Variants in L3MBTL4 observed in about 807,000 individuals in gnomAD.
L3MBTL4 encodes L3MBTL histone methyl-lysine binding protein 4.
L3MBTL4 carries 70 observed loss-of-function variants against 84.5 expected under a neutral mutation model. That is an observed-to-expected ratio of 0.83 (90% CI 0.68 to 1.01). The LOEUF (loss-of-function observed/expected upper bound fraction) is 1.01. Among genes scored for constraint, L3MBTL4 ranks in the 50% least tolerant of loss-of-function variants. The probability of loss-of-function intolerance (pLI) is 0.00; values close to 1 mark genes in which losing one functional copy is unlikely to be tolerated. For missense variants in L3MBTL4, 715 were observed against 754.8 expected (o/e 0.95, Z 0.62); for synonymous variants, 274 against 259.8 (o/e 1.05, Z -0.52).
chr18:6,014,765 A>G (rs913232588), intron 16 of L3MBTL4, among the ~76,000 whole-genome samples: 2 of 152,132 alleles, frequency 1.3e-5, no homozygotes, highest in African/African-American at 4.8e-5. Flanking sequence ...CCCCAAGAAT[A>G]TTGGGGAAAC....
rs1204996580 is a variant in L3MBTL4 at position 6,215,805 on chromosome 18, G to C, written c.815C>G (p.Thr272Arg). 1 of 1,605,080 alleles carries C rather than the reference G, an allele frequency of 6.2e-7. No homozygotes were observed. Among genetic ancestry groups the C allele is most frequent in the Non-Finnish European group, 8.5e-7 (1 of 1,176,282 alleles). The change falls in exon 11 of 19, where the codon ACA becomes AGA. Residue 272 changes from threonine (T) to arginine (R), a missense_variant. Transcript: ENST00000317931. Reference sequence around the variant, plus strand: ...GGTTTGAGTAGCTTCCAGGTATTCTGTCCAGGAAAAATTTTCTGGATTGGG... The same window carrying C: ...GGTTTGAGTAGCTTCCAGGTATTCTCTCCAGGAAAAATTTTCTGGATTGGG... ...GYPNPENFSW[T>R]EYLEATQTNA...
chr18:6,086,772 C>T (rs2058273544), intron 15 of L3MBTL4, among the ~76,000 whole-genome samples: 1 of 152,174 alleles, frequency 6.6e-6, no homozygotes, highest in South Asian at 2.1e-4. Context: ...GTGATTTTCT[C>T]TTCATTTATG....
chr18:6,215,251 T>G (rs1193125271), intron 11 of L3MBTL4, among the ~76,000 whole-genome samples: 1 of 152,212 alleles, frequency 6.6e-6, no homozygotes, highest in East Asian at 1.9e-4. Flanking sequence ...TAATTTATAC[T>G]TAGTTCAATC....
At chr18:6,197,097 T>C (rs903547876) in intron 12 of L3MBTL4, among the ~76,000 whole-genome samples, 1 of 152,224 alleles carries the variant, frequency 6.6e-6, no homozygotes, top group Non-Finnish European at 1.5e-5. Context: ...GCTTCAACTA[T>C]TCTTTTTTTA....
intron 1 of L3MBTL4, among the ~76,000 whole-genome samples, chr18:6,402,155 T>C (rs142107944): frequency 6.6e-6 from 1 of 152,358 alleles, no homozygotes; most frequent in East Asian, 1.9e-4. Context: ...AGTGTATACA[T>C]TCAGATTATT....
chr18:6,266,537 T>C (rs907146373), intron 4 of L3MBTL4, among the ~76,000 whole-genome samples: 1 of 152,150 alleles, frequency 6.6e-6, no homozygotes, highest in Non-Finnish European at 1.5e-5. Context: ...ACTAGAACAT[T>C]TGAAACCTCT....
chr18:5,969,451 A>C lies in L3MBTL4; in HGVS notation c.1556T>G (p.Leu519Trp). 1 of 1,613,988 alleles carries C rather than the reference A, an allele frequency of 6.2e-7. No individual in the cohort carries two copies. The highest frequency in any genetic ancestry group is 8.5e-7 in the Non-Finnish European group (1 of 1,180,022). ...LPLGREQHCK[L>W]LPGVADIRAS... The stretch of plus-strand genomic sequence containing the variant: ...CCGGATGTCAGCCACGCCTGGAAGC[A>C]ACTTGCAGTGTTGCTCCCTGCCGAG... Residue 519 changes from leucine (L) to tryptophan (W), a missense_variant, in exon 17 of 19, where the codon TTG becomes TGG. Transcript: ENST00000317931.
intron 12 of L3MBTL4, among the ~76,000 whole-genome samples, chr18:6,187,400 TG>T (rs1418986331): frequency 3.3e-5 from 5 of 152,236 alleles, no homozygotes; most frequent in Admixed American, 2.0e-4. Context: ...ATGAAAATCT[TG>T]GCTCTATTTC....
At chr18:6,073,858 C>CT (rs2057770094) in intron 16 of L3MBTL4, among the ~76,000 whole-genome samples, 1 of 151,436 alleles carries the variant, frequency 6.6e-6, no homozygotes, top group African/African-American at 2.4e-5. Flanking sequence ...TGTTTTGTTT[C>CT]TTTGTTAAAA....
At chr18:5,967,751 G>C (rs2052424640) in intron 17 of L3MBTL4, among the ~76,000 whole-genome samples, 1 of 152,236 alleles carries the variant, frequency 6.6e-6, no homozygotes, top group Non-Finnish European at 1.5e-5. Flanking sequence ...GGCTGCTGCT[G>C]GCAGTGGGCA....
intron 1 of L3MBTL4, among the ~76,000 whole-genome samples, chr18:6,321,412 ATAGATGT>A (rs2051397336): frequency 6.6e-6 from 1 of 151,950 alleles, no homozygotes; most frequent in Admixed American, 6.6e-5. Context: ...ATCAAAAACA[ATAGATGT>A]TGGTGTGGAT....
chr18:6,087,835 A>G (rs1285794148), intron 15 of L3MBTL4, among the ~76,000 whole-genome samples: 1 of 152,200 alleles, frequency 6.6e-6, no homozygotes, highest in Non-Finnish European at 1.5e-5. Flanking sequence ...GCCCATTCAT[A>G]TATCTATAGC....
intron 12 of L3MBTL4, among the ~76,000 whole-genome samples, chr18:6,211,751 C>T (rs748950399): frequency 6.6e-6 from 1 of 151,734 alleles, no homozygotes; most frequent in East Asian, 1.9e-4. Flanking sequence ...CAGGCTCAAG[C>T]GATTCTTCTG....
chr18:6,310,376 T>C (rs2050773701), intron 3 of L3MBTL4, among the ~76,000 whole-genome samples: 1 of 152,176 alleles, frequency 6.6e-6, no homozygotes, highest in African/African-American at 2.4e-5. Context: ...GGCCCAATGT[T>C]AATCACCCCA....
intron 13 of L3MBTL4, among the ~76,000 whole-genome samples, chr18:6,143,235 A>C (rs73381925): frequency 0.026 from 3,954 of 152,250 alleles, 147 homozygotes; most frequent in African/African-American, 0.087. Flanking sequence ...TTATCAATGC[A>C]TATTTATCTC....
intron 1 of L3MBTL4, among the ~76,000 whole-genome samples, chr18:6,388,810 G>C (rs775652970): frequency 3.3e-5 from 5 of 152,138 alleles, no homozygotes; most frequent in African/African-American, 4.8e-5. Context: ...AGACACCCTG[G>C]GTCCTTCCAA....
intron 16 of L3MBTL4, among the ~76,000 whole-genome samples, chr18:6,019,544 C>G (rs1005419335): frequency 6.6e-6 from 1 of 152,178 alleles, no homozygotes; most frequent in Non-Finnish European, 1.5e-5. Context: ...GAAATTCAAT[C>G]AAATGATAAA....
At chr18:6,137,374 T>A (rs2060056149) in intron 14 of L3MBTL4, among the ~76,000 whole-genome samples, 1 of 152,226 alleles carries the variant, frequency 6.6e-6, no homozygotes, top group Non-Finnish European at 1.5e-5. Context: ...TTTTATTCAG[T>A]TAAAAATGTT....
intron 16 of L3MBTL4, among the ~76,000 whole-genome samples, chr18:6,075,604 T>C (rs1054096869): frequency 1.3e-5 from 2 of 152,082 alleles, no homozygotes; most frequent in African/African-American, 2.4e-5. Flanking sequence ...AAAATGAACA[T>C]GTGGTTGACA....
Sources: gnomAD v4.1 joint callset for allele counts (sites outside exome capture counted in the v4.1 genomes callset) on GRCh38, gnomAD v4.1.1 for gene constraint, MANE v1.5 for transcripts, NCBI Gene and HGNC (gene_info 2026-07-23, HGNC 2026-07-21) for gene names.